The following ABCB9 variants were observed in gnomAD, a reference collection of about 807,000 sequenced individuals.
ABCB9 encodes the protein ATP binding cassette subfamily B member 9.
A neutral mutation model predicts 62.0 loss-of-function variants in ABCB9; 36 were observed. That is an observed-to-expected ratio of 0.58 (90% CI 0.45 to 0.77). ABCB9 has a LOEUF of 0.77. ABCB9 is among the 30% of genes least tolerant of loss of function. The pLI, the probability that ABCB9 is intolerant of heterozygous loss-of-function variation, is 0.00. For missense variants in ABCB9, 943 were observed against 1,054.7 expected (o/e 0.89, Z 1.47); for synonymous variants, 435 against 461.4 (o/e 0.94, Z 0.73).
chr12:122,934,018 C>G (rs2135772678), intron 10 of ABCB9, among the ~76,000 whole-genome samples: 1 of 152,204 alleles, frequency 6.6e-6, no homozygotes, highest in East Asian at 1.9e-4. Flanking sequence ...CCAAGGCAGG[C>G]AGATCACCTG....
chr12:122,962,187 G>A (rs2036939723), intron 1 of ABCB9, among the ~76,000 whole-genome samples: 1 of 152,224 alleles, frequency 6.6e-6, no homozygotes, highest in Non-Finnish European at 1.5e-5. Context: ...CTCCCCCAGA[G>A]CCGCAGGGAC....
chr12:122,954,974 C>CT (rs1441363423), intron 2 of ABCB9, among the ~76,000 whole-genome samples: 3 of 152,052 alleles, frequency 2.0e-5, no homozygotes, highest in Non-Finnish European at 4.4e-5. Flanking sequence ...ACCTAATTGT[C>CT]TTTTTTGAGA....
intron 2 of ABCB9, among the ~76,000 whole-genome samples, chr12:122,954,216 T>A (rs992374650): frequency 1.3e-5 from 2 of 152,078 alleles, no homozygotes; most frequent in South Asian, 2.1e-4. Context: ...GTATTTTTTT[T>A]ATTTTTTTTG....
chr12:122,948,610 C>A lies in ABCB9; in HGVS notation c.1053+14G>T. 6.3e-7 allele frequency: 1 copy of A among 1,599,664 alleles called. No individual in the cohort carries two copies. Among genetic ancestry groups the A allele is most frequent in the Non-Finnish European group, 8.5e-7 (1 of 1,172,476 alleles). On this transcript the variant is annotated intron_variant, in intron 5 of 11. Coordinates refer to ENST00000280560, the MANE Select transcript of ABCB9 (RefSeq NM_019625.4). ...CAGGGTGCACAGTCCCCAGCAGAGA[C>A]AGGGCAGGCCTACCTTGTAGTACTT... is the stretch of plus-strand genomic sequence containing the variant.
Position 122,932,365 on chromosome 12 carries a change from G to A in ABCB9, c.1904-37C>T, listed in dbSNP as rs1285269632. 6.5e-7 allele frequency: 1 copy of A among 1,533,136 alleles called. No individual in the cohort carries two copies. The highest frequency in any genetic ancestry group is 8.8e-7 in the Non-Finnish European group (1 of 1,134,804). The allele number at this position is 1,533,136 out of a possible 1,614,324, so 95.0% of individuals were successfully genotyped here. ...AGGCACAGAGACAATTTAGCAATGG[G>A]TGAGGCCGGGCAGCACCGGGGAAGA... On this transcript the variant is annotated intron_variant, in intron 10 of 11. Coordinates refer to ENST00000280560, the MANE Select transcript of ABCB9 (RefSeq NM_019625.4). The surrounding 1 kb of genome is among the most constrained non-coding windows in gnomAD (Gnocchi z 4.7).
chr12:122,937,215 C>T (rs534113262), intron 9 of ABCB9, among the ~76,000 whole-genome samples: 9 of 151,050 alleles, frequency 6.0e-5, no homozygotes, highest in South Asian at 2.1e-4. Context: ...AAAAATTAGC[C>T]GGGTGTGGTG....
In ABCB9 at chr12:122,948,751, C is replaced by G; in HGVS notation, c.926G>C (p.Arg309Pro). 6.2e-7 allele frequency: 1 copy of G among 1,612,514 alleles called. No individual in the cohort carries two copies. Among genetic ancestry groups the G allele is most frequent in the East Asian group, 2.2e-5 (1 of 44,818 alleles). Reference protein sequence around the residue: ...LVSQNINVFLRNTVKVTGVVV... With the variant: ...LVSQNINVFLPNTVKVTGVVV... Reference sequence around the variant, plus strand: ...CACGCCCGTGACCTTGACTGTGTTCCGCAGGAAGACATTGATGTTCTGGGA... The same window carrying G: ...CACGCCCGTGACCTTGACTGTGTTCGGCAGGAAGACATTGATGTTCTGGGA... The change falls in exon 5 of 12, where the codon CGG becomes CCG. Residue 309 changes from arginine (R) to proline (P), a missense_variant. Coordinates refer to ENST00000280560, the MANE Select transcript of ABCB9 (RefSeq NM_019625.4).
At chr12:122,974,591 T>C (rs2037350638) in intron 1 of ABCB9, 1 of 152,248 alleles carries the variant, frequency 6.6e-6, no homozygotes, top group Non-Finnish European at 1.5e-5. Flanking sequence ...GCAAGAGTTG[T>C]CATTTGTTGG....
At chr12:122,928,005 T>C (rs919665536), downstream of ABCB9, among the ~76,000 whole-genome samples, 102 of 152,162 alleles carry the variant, frequency 6.7e-4, no homozygotes, top group Non-Finnish European at 1.4e-3. Context: ...AGTTCCCCTC[T>C]GTAGCAGGCT....
downstream of ABCB9, chr12:122,920,912 T>A: frequency 8.9e-7 from 1 of 1,119,832 alleles, no homozygotes; most frequent in Non-Finnish European, 1.3e-6. Flanking sequence ...GACCCCTGTC[T>A]TAAAAAAAAA....
rs1049379234 is a variant in ABCB9 at position 122,947,783 on chromosome 12, C to A, written c.1053+841G>T. 2.1e-5 allele frequency: 4 copies of A among 192,500 alleles called. No individual in the cohort carries two copies. The South Asian group carries it at 3.0e-4, about 14-fold the overall frequency. The allele number at this position is 192,500 out of a possible 1,614,324, so 11.9% of individuals were successfully genotyped here. A position where few individuals can be genotyped will look rare whatever the true frequency, so the allele number is the denominator to read the frequency against. On this transcript the variant is annotated intron_variant, in intron 5 of 11. Transcript: ENST00000280560. This position sits in a 1 kb window ranked among gnomAD's most constrained non-coding sequence, Gnocchi z 6.0. ...GGCCCGCGATGGCATCACAGCGGGC[C>A]CGCACCACCCCCACATACACACCAG...
chr12:122,972,253 T>A (rs972490048), intron 1 of ABCB9, among the ~76,000 whole-genome samples: 3 of 152,112 alleles, frequency 2.0e-5, no homozygotes, highest in African/African-American at 7.2e-5. Context: ...GACCTCGTGA[T>A]CCACCCGCCT....
chr12:122,948,352 T>A, intron 5 of ABCB9: 1 of 330,996 alleles, frequency 3.0e-6, no homozygotes, highest in Admixed American at 4.7e-5. Context: ...TCATTCTTTA[T>A]GCTGTTGGTA....
chr12:122,963,114 A>G (rs1209495079), intron 1 of ABCB9, among the ~76,000 whole-genome samples: 2 of 152,212 alleles, frequency 1.3e-5, no homozygotes, highest in Non-Finnish European at 2.9e-5. Context: ...CCTGGGCAAC[A>G]TGGCGAAATC....
intron 1 of ABCB9, chr12:122,972,850 T>C (rs1430067419): frequency 6.6e-6 from 1 of 152,188 alleles, no homozygotes; most frequent in Admixed American, 6.5e-5. Context: ...AATATACACA[T>C]ATACAGACAT....
chr12:122,967,629 C>T (rs1294879573), upstream of ABCB9, among the ~76,000 whole-genome samples: 1 of 152,216 alleles, frequency 6.6e-6, no homozygotes, highest in Non-Finnish European at 1.5e-5. Context: ...GATGGGATTA[C>T]AGGTGTCCGC....
In ABCB9 at chr12:122,950,473, C is replaced by T. The variant is rs569256573; in HGVS notation, c.694G>A (p.Val232Met). ...TACCTGCCAATGGCCAGCAGGCACA[C>T]GATGACGACAGCCGTGCTGAACTGA... ...MDQFSTAVVI[V>M]CLLAIGSSFA... Residue 232 changes from valine (V) to methionine (M), a missense_variant, in exon 3 of 12, where the codon GTG (valine) becomes ATG (methionine). By Grantham distance (21) the Val-to-Met change is conservative. Transcript: ENST00000280560. 5.2e-5 allele frequency: 84 copies of T among 1,612,222 alleles called. No homozygotes were observed. The highest frequency in any genetic ancestry group is 4.6e-4 in the South Asian group (42 of 91,036).
At chr12:122,921,176 A>G (rs898231891) in intron 11 of ABCB9, 7 of 819,186 alleles carry the variant, frequency 8.5e-6, no homozygotes, top group Non-Finnish European at 1.4e-5. Flanking sequence ...GCACTTTGGG[A>G]GGCCGAGGCA....
Position 122,940,115 on chromosome 12 carries a change from C to T in ABCB9, c.1739G>A (p.Arg580His), listed in dbSNP as rs774679651. Residue 580 changes from arginine to histidine, a missense_variant, in exon 9 of 12, where the codon CGT (arginine) becomes CAT (histidine). Physicochemically the swap from Arg to His is conservative, Grantham distance 29. Coordinates refer to ENST00000280560, the MANE Select transcript of ABCB9 (RefSeq NM_019625.4). The surrounding 1 kb of genome is among the most constrained non-coding windows in gnomAD (Gnocchi z 4.8). ...ISAYDHKYLHRVISLVSQEPV... is the reference protein window; with the variant it reads ...ISAYDHKYLHHVISLVSQEPV... ...GGCCCAGGCCCGTGCACATACCACA[C>T]GGTGCAAGTACTTGTGGTCGTAGGC... 24 of 1,610,262 alleles carry T rather than the reference C, an allele frequency of 1.5e-5. 1 individual carries two copies. Among genetic ancestry groups the T allele is most frequent in the South Asian group, 1.1e-4 (10 of 90,330 alleles).
Sources: allele counts gnomAD v4.1 joint callset (sites outside exome capture counted in the v4.1 genomes callset), GRCh38; gene constraint gnomAD v4.1.1; non-coding constraint Gnocchi (gnomAD v3.1); transcripts MANE v1.5; gene names NCBI Gene and HGNC (gene_info 2026-07-23, HGNC 2026-07-21).